MYH10: variants seen among roughly 807,000 people sequenced by gnomAD.
MYH10 encodes myosin-10.
In MYH10, 55 loss-of-function variants were observed where a neutral mutation model predicts 257.8. That is an observed-to-expected ratio of 0.21 (90% CI 0.17 to 0.27). The LOEUF (loss-of-function observed/expected upper bound fraction) is 0.27. MYH10 is among the 10% of genes least tolerant of loss of function. The pLI is 1.00. For synonymous variants in MYH10, 854 were observed against 921.7 expected (o/e 0.93, Z 1.33); for missense variants, 1,631 against 2,500.6 (o/e 0.65, Z 7.42).
At chr17:8,537,634 A>G (rs2082177945) in intron 14 of MYH10, among the ~76,000 whole-genome samples, 1 of 152,246 alleles carries the variant, frequency 6.6e-6, no homozygotes. Context: ...GAAGTTCCAC[A>G]TTAATATTAA....
At chr17:8,548,252 CCTT>C in intron 11 of MYH10, 58 bp downstream of exon 11, 1 of 1,337,866 alleles carries the variant, frequency 7.5e-7, no homozygotes, top group South Asian at 1.3e-5. Context: ...CACTGTAACA[CCTT>C]CTTAGAGAGC....
rs142337551 is a variant in MYH10, at chr17:8,477,788, G to T, written c.5706+550C>A. Among the ~76,000 whole-genome samples the T allele has an allele frequency of 6.6e-6, 1 of 152,338 alleles. No individual in the cohort carries two copies. The highest frequency in any genetic ancestry group is 2.1e-4 in the South Asian group (1 of 4,826). ...AGTCTCACCAGGCAGAGGGCAGGGA[G>T]CGGGAGGGAGGGTATAGCTGCCCAC... is the stretch of plus-strand genomic sequence containing the variant. On this transcript the variant is annotated intron_variant, in intron 41 of 42. Coordinates refer to ENST00000360416, the MANE Select transcript of MYH10 (RefSeq NM_001256012.3). This position sits in a 1 kb window ranked among gnomAD's most constrained non-coding sequence, Gnocchi z 4.2.
intron 7 of MYH10, among the ~76,000 whole-genome samples, chr17:8,556,712 A>G (rs1389093881): frequency 6.6e-6 from 1 of 152,198 alleles, no homozygotes; most frequent in Non-Finnish European, 1.5e-5. Flanking sequence ...CTACGTACAC[A>G]TTTATCTAAA....
chr17:8,489,743 A>ACACACACACACACACACACACACACC (rs1437818172), intron 35 of MYH10, among the ~76,000 whole-genome samples: 1 of 150,162 alleles, frequency 6.7e-6, no homozygotes, highest in Non-Finnish European at 1.5e-5. Context: ...ACACACACAC[A>ACACACACACACACACACACACACACC]CACCCCAAAT....
intron 35 of MYH10, among the ~76,000 whole-genome samples, chr17:8,488,566 AG>A (rs1210796298): frequency 5.9e-5 from 9 of 152,248 alleles, no homozygotes; most frequent in Non-Finnish European, 5.9e-5. Flanking sequence ...CTGGAGGCTC[AG>A]CGAGCAAAGA....
chr17:8,501,817 T>C (rs560608746), intron 28 of MYH10, among the ~76,000 whole-genome samples: 19 of 152,366 alleles, frequency 1.2e-4, no homozygotes, highest in Non-Finnish European at 1.9e-4. Flanking sequence ...GAAGATCACA[T>C]TAGCATTAAA....
rs370588228 is a variant in MYH10, at chr17:8,571,365, G to A, written c.664-1553C>T. 2.2e-3 allele frequency among the ~76,000 whole-genome samples: 338 copies of A among 151,228 alleles called. 3 individuals are homozygous for A. The highest frequency in any genetic ancestry group is 0.016 in the South Asian group (77 of 4,768). On this transcript the variant is annotated intron_variant, in intron 6 of 42. Transcript: ENST00000360416. The stretch of plus-strand genomic sequence containing the variant: ...AATTTTTTGTATTTTTAGTAGAGAC[G>A]GGGTTTCACCATGTTAGCCAGGATG...
At chr17:8,559,777 C>T (rs1032582957) in intron 7 of MYH10, among the ~76,000 whole-genome samples, 4 of 151,994 alleles carry the variant, frequency 2.6e-5, no homozygotes, top group Admixed American at 2.6e-4. Flanking sequence ...TAGAACTGTT[C>T]AAAAAAGAAA....
chr17:8,589,006 T>G (rs2084019379), intron 4 of MYH10, 75 bp downstream of exon 4: 1 of 1,404,642 alleles, frequency 7.1e-7, no homozygotes, highest in African/African-American at 1.4e-5. Context: ...ACTTCTCCCC[T>G]CCCCCCAGAC....
At chr17:8,511,412 G>C (rs977487987) in intron 24 of MYH10, among the ~76,000 whole-genome samples, 3 of 151,984 alleles carry the variant, frequency 2.0e-5, no homozygotes, top group African/African-American at 7.3e-5. Context: ...CCCAGCTACT[G>C]GGGAGGCTGA....
intron 2 of MYH10, among the ~76,000 whole-genome samples, chr17:8,606,483 G>A (rs1191536265): frequency 6.6e-6 from 1 of 152,182 alleles, no homozygotes; most frequent in African/African-American, 2.4e-5. Flanking sequence ...TGTATGGCCA[G>A]CTTCCCCAGG....
At chr17:8,568,484 G>A (rs1258159351) in intron 7 of MYH10, among the ~76,000 whole-genome samples, 1 of 151,890 alleles carries the variant, frequency 6.6e-6, no homozygotes, top group African/African-American at 2.4e-5. Context: ...TTTAAAAAGC[G>A]TGTCACGACG....
intron 23 of MYH10, 62 bp from the exon 24 acceptor site, chr17:8,512,719 G>T: frequency 7.3e-7 from 1 of 1,363,592 alleles, no homozygotes. Context: ...GTATATATTC[G>T]CCGTGATTTC....
At chr17:8,542,597 T>TA (rs1453162313) in intron 13 of MYH10, among the ~76,000 whole-genome samples, 1 of 152,182 alleles carries the variant, frequency 6.6e-6, no homozygotes, top group Non-Finnish European at 1.5e-5. Flanking sequence ...CAGTTCTTAT[T>TA]AGTGAATGGT....
At chr17:8,501,186 A>C (rs939541794) in intron 28 of MYH10, among the ~76,000 whole-genome samples, 8 of 152,096 alleles carry the variant, frequency 5.3e-5, no homozygotes, top group Non-Finnish European at 1.0e-4. Flanking sequence ...AACCCCGGCA[A>C]TTTGGGAGGC....
At chr17:8,502,859 T>C (rs1019674130) in intron 28 of MYH10, among the ~76,000 whole-genome samples, 1 of 152,196 alleles carries the variant, frequency 6.6e-6, no homozygotes, top group African/African-American at 2.4e-5. Context: ...TTATTTTCTA[T>C]TGCAGTCAAA....
At chr17:8,487,060 C>T (rs1914939487) in intron 36 of MYH10, among the ~76,000 whole-genome samples, 1 of 152,178 alleles carries the variant, frequency 6.6e-6, no homozygotes, top group South Asian at 2.1e-4. Flanking sequence ...GTAATGAAAA[C>T]TGGCACATCA....
At chr17:8,510,571 C>A (rs1597693112) in intron 24 of MYH10, among the ~76,000 whole-genome samples, 1 of 152,142 alleles carries the variant, frequency 6.6e-6, no homozygotes, top group East Asian at 1.9e-4. Flanking sequence ...ACAAAAAGGT[C>A]TTGGTAATTA....
At chr17:8,630,438 C>T (rs1187443404) in intron 1 of MYH10, among the ~76,000 whole-genome samples, 1 of 152,104 alleles carries the variant, frequency 6.6e-6, no homozygotes, top group Non-Finnish European at 1.5e-5. Context: ...TCCCAGTGCC[C>T]CCAGCCCAGG....
Sources: allele counts gnomAD v4.1 joint callset (sites outside exome capture counted in the v4.1 genomes callset), GRCh38; gene constraint gnomAD v4.1.1; non-coding constraint Gnocchi (gnomAD v3.1); transcripts MANE v1.5; gene names NCBI Gene and HGNC (gene_info 2026-07-23, HGNC 2026-07-21).